The following REDIC1 variants were observed in gnomAD, a reference collection of about 807,000 sequenced individuals.
REDIC1 encodes HEI10 Interacting Protein 1.
chr12:39,655,919 G>A, the REDIC1 span, among the ~76,000 whole-genome samples: 1 of 152,004 alleles, frequency 6.6e-6, no homozygotes, highest in African/African-American at 2.4e-5. Flanking sequence ...TTGCATTTTG[G>A]GGGAGAGTAT....
the REDIC1 span, among the ~76,000 whole-genome samples, chr12:39,776,608 G>T: frequency 6.6e-6 from 1 of 152,238 alleles, no homozygotes; most frequent in Non-Finnish European, 1.5e-5. Context: ...ATGAGGTAAA[G>T]AAGGGTCACG....
At chr12:39,676,120 A>G in the REDIC1 span, among the ~76,000 whole-genome samples, 1 of 152,194 alleles carries the variant, frequency 6.6e-6, no homozygotes, top group Non-Finnish European at 1.5e-5. Context: ...ATTGCCAGAT[A>G]AAGAATTCAG....
chr12:39,780,873 T>A, the REDIC1 span, among the ~76,000 whole-genome samples: 3 of 152,328 alleles, frequency 2.0e-5, no homozygotes, highest in East Asian at 5.8e-4. Context: ...TAGAAGCTGC[T>A]TAGAGTATGA....
the REDIC1 span, among the ~76,000 whole-genome samples, chr12:39,642,291 A>G: frequency 1.3e-5 from 2 of 151,738 alleles, no homozygotes; most frequent in Non-Finnish European, 3.0e-5. Flanking sequence ...CCTGGAATAA[A>G]GGCTTAGTCC....
chr12:39,691,683 AT>A, the REDIC1 span, among the ~76,000 whole-genome samples: 1 of 152,206 alleles, frequency 6.6e-6, no homozygotes, highest in Non-Finnish European at 1.5e-5. Context: ...AAAAAACCTG[AT>A]AATAAACGAC....
At chr12:39,664,392 A>C in the REDIC1 span, among the ~76,000 whole-genome samples, 1 of 152,144 alleles carries the variant, frequency 6.6e-6, no homozygotes, top group Admixed American at 6.6e-5. Context: ...ATGTCCCTAC[A>C]AAGGACATGA....
chr12:39,680,530 G>A, the REDIC1 span, among the ~76,000 whole-genome samples: 3 of 152,134 alleles, frequency 2.0e-5, no homozygotes, highest in African/African-American at 4.8e-5. Flanking sequence ...CTGCTGGTGG[G>A]TATGTAAACT....
At chr12:39,754,270 A>G in the REDIC1 span, 1 of 152,128 alleles carries the variant, frequency 6.6e-6, no homozygotes, top group Non-Finnish European at 1.5e-5. Flanking sequence ...GGACAATTAA[A>G]TGAGGATTTT....
the REDIC1 span, among the ~76,000 whole-genome samples, chr12:39,650,716 T>A: frequency 1.3e-5 from 2 of 152,106 alleles, no homozygotes; most frequent in African/African-American, 2.4e-5. This position sits in a 1 kb window ranked among gnomAD's most constrained non-coding sequence, Gnocchi z 4.3. Flanking sequence ...GGATTACAGG[T>A]GTGTGCCACC....
chr12:39,847,480 C>G, the REDIC1 span, among the ~76,000 whole-genome samples: 1 of 152,114 alleles, frequency 6.6e-6, no homozygotes, highest in Non-Finnish European at 1.5e-5. Context: ...TCAAAGGGAG[C>G]TGATTCAGCT....
At chr12:39,812,384 TTC>T in the REDIC1 span, among the ~76,000 whole-genome samples, 5 of 124,450 alleles carry the variant, frequency 4.0e-5, no homozygotes, top group Non-Finnish European at 5.7e-5. Context: ...TTTCTTTTCT[TTC>T]TTTCTCTCTC....
chr12:39,848,511 A>G, the REDIC1 span, among the ~76,000 whole-genome samples: 1 of 152,192 alleles, frequency 6.6e-6, no homozygotes, highest in Non-Finnish European at 1.5e-5. Flanking sequence ...ATTATTAAAA[A>G]GTTAAAAAAT....
At chr12:39,639,808 TTAGA>T in the REDIC1 span, among the ~76,000 whole-genome samples, 4 of 151,974 alleles carry the variant, frequency 2.6e-5, no homozygotes, top group Admixed American at 1.3e-4. Context: ...TATTTTGATA[TTAGA>T]TAGTATACAG....
At chr12:39,697,894 A>G in the REDIC1 span, among the ~76,000 whole-genome samples, 1 of 152,216 alleles carries the variant, frequency 6.6e-6, no homozygotes, top group Non-Finnish European at 1.5e-5. Context: ...TAGCAGCAGT[A>G]AGTCTTTACT....
At chr12:39,896,249 CATGTATGTATATGTGTGT>C in the REDIC1 span, among the ~76,000 whole-genome samples, 5 of 92,524 alleles carry the variant, frequency 5.4e-5, no homozygotes, top group African/African-American at 2.0e-4. Flanking sequence ...TATATGTATA[CATGTATGTATATGTGTGT>C]ATATATGTAT....
At chr12:39,853,986 T>G in the REDIC1 span, among the ~76,000 whole-genome samples, 3 of 152,228 alleles carry the variant, frequency 2.0e-5, no homozygotes, top group South Asian at 6.2e-4. Context: ...ATCCTAGTGT[T>G]TAAATACCTA....
chr12:39,881,317 G>A, the REDIC1 span, among the ~76,000 whole-genome samples: 1 of 151,798 alleles, frequency 6.6e-6, no homozygotes, highest in East Asian at 1.9e-4. Context: ...CAATATGAGT[G>A]TGGTTTATGT....
chr12:39,851,769 T>C, the REDIC1 span, among the ~76,000 whole-genome samples: 2 of 152,334 alleles, frequency 1.3e-5, no homozygotes, highest in Admixed American at 6.5e-5. Context: ...CTTTGAGTCA[T>C]TGATCACTGC....
At chr12:39,656,269 T>A in the REDIC1 span, among the ~76,000 whole-genome samples, 1 of 152,232 alleles carries the variant, frequency 6.6e-6, no homozygotes, top group Non-Finnish European at 1.5e-5. Flanking sequence ...TATACAGTTA[T>A]GTGCTGCATA....
Sources: allele counts gnomAD v4.1 joint callset (sites outside exome capture counted in the v4.1 genomes callset), GRCh38; gene constraint gnomAD v4.1.1; non-coding constraint Gnocchi (gnomAD v3.1); transcripts MANE v1.5; gene names NCBI Gene and HGNC (gene_info 2026-07-23, HGNC 2026-07-21).